Variants in SUCLG2 observed in about 807,000 individuals in gnomAD.
The protein encoded by SUCLG2 is succinate-CoA ligase GDP-forming subunit beta.
In SUCLG2, 42 loss-of-function variants were observed where a neutral mutation model predicts 47.9. The observed-to-expected ratio is 0.88, with a 90% CI of 0.69 to 1.14. SUCLG2 has a LOEUF of 1.14. Among genes scored for constraint, SUCLG2 ranks in the 50% most tolerant of loss-of-function variants. The probability of loss-of-function intolerance (pLI) is 0.00; values close to 1 mark genes in which losing one functional copy is unlikely to be tolerated. For missense variants in SUCLG2, 571 were observed against 525.9 expected (o/e 1.09, Z -0.84); for synonymous variants, 195 against 197.3 (o/e 0.99, Z 0.10).
At chr3:67,625,896 A>C (rs148506827) in intron 1 of SUCLG2, among the ~76,000 whole-genome samples, 102 of 152,234 alleles carry the variant, frequency 6.7e-4, no homozygotes, top group African/African-American at 2.2e-3. Context: ...AAAAAAATTA[A>C]TGGAGTGCCC....
chr3:67,556,005 C>T (rs981036364), intron 2 of SUCLG2, among the ~76,000 whole-genome samples: 14 of 152,158 alleles, frequency 9.2e-5, no homozygotes, highest in Non-Finnish European at 1.3e-4. Flanking sequence ...GCATTTTCCC[C>T]GAGTGGGGGA....
At chr3:67,642,782 G>A (rs1701123182) in intron 1 of SUCLG2, among the ~76,000 whole-genome samples, 1 of 152,180 alleles carries the variant, frequency 6.6e-6, no homozygotes, top group African/African-American at 2.4e-5. Context: ...TTGTACATGT[G>A]CTTCATTTCA....
chr3:67,393,358 CAGG>C (rs1261474082), intron 10 of SUCLG2, among the ~76,000 whole-genome samples: 1 of 152,208 alleles, frequency 6.6e-6, no homozygotes, highest in East Asian at 1.9e-4. Flanking sequence ...AACGGCGCAC[CAGG>C]AGATTATATC....
intron 9 of SUCLG2, among the ~76,000 whole-genome samples, chr3:67,412,586 G>A (rs980048625): frequency 1.3e-5 from 2 of 152,028 alleles, no homozygotes; most frequent in African/African-American, 4.8e-5. Flanking sequence ...GGAATTGGGG[G>A]CATTTATTCC....
intron 8 of SUCLG2, 99 bp downstream of exon 8, chr3:67,498,035 T>A (rs1042891880): frequency 3.1e-5 from 40 of 1,278,866 alleles, no homozygotes; most frequent in Non-Finnish European, 4.1e-5. Context: ...AAAAAACTTA[T>A]GTGCTTACTT....
chr3:67,517,436 C>A (rs1397328180), intron 6 of SUCLG2, among the ~76,000 whole-genome samples: 1 of 152,156 alleles, frequency 6.6e-6, no homozygotes, highest in African/African-American at 2.4e-5. Context: ...CACATGCACA[C>A]ATACACACAA....
intron 1 of SUCLG2, among the ~76,000 whole-genome samples, chr3:67,620,014 G>A (rs1700705776): frequency 6.6e-6 from 1 of 152,144 alleles, no homozygotes. Context: ...TATAGATAAA[G>A]AAAACAAATT....
At chr3:67,531,524 T>C (rs1003561284) in intron 2 of SUCLG2, among the ~76,000 whole-genome samples, 2 of 152,216 alleles carry the variant, frequency 1.3e-5, no homozygotes, top group African/African-American at 4.8e-5. Flanking sequence ...CAATTAAACG[T>C]GTCGCCATTT....
At chr3:67,653,624 A>C (rs1003745531) in intron 1 of SUCLG2, among the ~76,000 whole-genome samples, 2 of 152,158 alleles carry the variant, frequency 1.3e-5, no homozygotes, top group African/African-American at 4.8e-5. Flanking sequence ...AAGGTCATTA[A>C]CTCTGCTGTG....
rs368321316 is a variant in SUCLG2, at chr3:67,423,706, T to A, written c.1063-22855A>T. ...AGATCAGAGCAGAACTTACTTCTTA[T>A]TTCCGCTATTTTAAAATAAAAAGCT... On this transcript the variant is annotated intron_variant, in intron 9 of 10. Coordinates refer to ENST00000307227, the MANE Select transcript of SUCLG2 (RefSeq NM_003848.4). Among the ~76,000 whole-genome samples the A allele has an allele frequency of 3.2e-4, 49 of 152,324 alleles. No individual in the cohort carries two copies. In the South Asian group the frequency reaches 0.01, roughly 32 times the overall value.
chr3:67,485,828 T>C (rs1052839964), intron 9 of SUCLG2, among the ~76,000 whole-genome samples: 16 of 152,240 alleles, frequency 1.1e-4, no homozygotes, highest in African/African-American at 3.9e-4. Context: ...AATCATTCCA[T>C]AGCTATAAAG....
At chr3:67,649,212 A>G (rs1039913182) in intron 1 of SUCLG2, among the ~76,000 whole-genome samples, 4 of 152,208 alleles carry the variant, frequency 2.6e-5, no homozygotes, top group Non-Finnish European at 5.9e-5. Flanking sequence ...GGCCAACAGT[A>G]TCTTAGAAGG....
At chr3:67,461,727 A>G (rs1351843979) in intron 9 of SUCLG2, among the ~76,000 whole-genome samples, 1 of 152,088 alleles carries the variant, frequency 6.6e-6, no homozygotes. Context: ...CAAAATGACA[A>G]TAATAAATGT....
chr3:67,392,165 C>T (rs1030349849), intron 10 of SUCLG2, among the ~76,000 whole-genome samples: 1 of 152,146 alleles, frequency 6.6e-6, no homozygotes, highest in African/African-American at 2.4e-5. Context: ...CTCCTTCCTC[C>T]TTCACTGACC....
intron 9 of SUCLG2, among the ~76,000 whole-genome samples, chr3:67,427,529 G>A (rs754707934): frequency 1.3e-5 from 2 of 152,132 alleles, no homozygotes; most frequent in African/African-American, 2.4e-5. Context: ...CAAGATGGCC[G>A]AATAGGAACA....
chr3:67,485,918 C>A (rs1299639063), intron 9 of SUCLG2, among the ~76,000 whole-genome samples: 1 of 152,176 alleles, frequency 6.6e-6, no homozygotes. Context: ...AACAAGTAAA[C>A]TATGATAAGA....
chr3:67,470,045 CAAAAAAA>C (rs200817099), intron 9 of SUCLG2, among the ~76,000 whole-genome samples: 1 of 96,428 alleles, frequency 1.0e-5, no homozygotes, highest in East Asian at 2.6e-4. Flanking sequence ...AACTCCATAT[CAAAAAAA>C]AAAAAAAAAA....
intron 10 of SUCLG2, among the ~76,000 whole-genome samples, chr3:67,393,478 T>C (rs1428425203): frequency 9.2e-5 from 14 of 152,102 alleles, no homozygotes; most frequent in Non-Finnish European, 1.8e-4. Context: ...GAGGGGTGCC[T>C]GCCATGGCCC....
intron 2 of SUCLG2, among the ~76,000 whole-genome samples, chr3:67,579,090 T>C (rs1456373914): frequency 2.0e-5 from 3 of 152,214 alleles, no homozygotes; most frequent in South Asian, 2.1e-4. Flanking sequence ...AATTAGGAAT[T>C]TCAGTATGTT....
Sources: gnomAD v4.1 joint callset for allele counts (sites outside exome capture counted in the v4.1 genomes callset) on GRCh38, gnomAD v4.1.1 for gene constraint, MANE v1.5 for transcripts, NCBI Gene and HGNC (gene_info 2026-07-23, HGNC 2026-07-21) for gene names.